Variants in RYR2 observed in about 807,000 individuals in gnomAD.
The protein encoded by RYR2 is ryanodine receptor 2, also known as cardiac muscle ryanodine receptor-calcium release channel.
A neutral mutation model predicts 601.1 loss-of-function variants in RYR2; 227 were observed. The observed-to-expected ratio is 0.38, with a 90% CI of 0.34 to 0.42. The LOEUF is 0.42. RYR2 is among the 10% of genes least tolerant of loss of function. RYR2 has a pLI of 1.00. For synonymous variants in RYR2, 2,223 were observed against 2,175.1 expected (o/e 1.02, Z -0.61); for missense variants, 4,646 against 6,156.5 (o/e 0.75, Z 8.21).
At chr1:237,697,313 T>A (rs1687543972) in intron 63 of RYR2, among the ~76,000 whole-genome samples, 1 of 146,660 alleles carries the variant, frequency 6.8e-6, no homozygotes, top group African/African-American at 2.5e-5. Context: ...CCAGTTTCTG[T>A]AGGTGTGTGT....
At chr1:237,537,902 G>T (rs1333686873) in intron 25 of RYR2, among the ~76,000 whole-genome samples, 1 of 152,134 alleles carries the variant, frequency 6.6e-6, no homozygotes, top group Non-Finnish European at 1.5e-5. Flanking sequence ...TCTCTCTGGG[G>T]ATAAGGAGGG....
At chr1:237,350,600 A>T (rs562678873) in intron 3 of RYR2, among the ~76,000 whole-genome samples, 1,516 of 69,842 alleles carry the variant, frequency 0.022, 75 homozygotes, top group African/African-American at 0.088. Flanking sequence ...AAAAAAAAAA[A>T]AAATATATAT....
chr1:237,670,751 T>C (rs1476091725), intron 58 of RYR2, among the ~76,000 whole-genome samples: 1 of 152,208 alleles, frequency 6.6e-6, no homozygotes, highest in Non-Finnish European at 1.5e-5. Flanking sequence ...GTTGAGATTT[T>C]TTTCTGATTT....
intron 1 of RYR2, among the ~76,000 whole-genome samples, chr1:237,099,870 G>A (rs1374996075): frequency 1.3e-5 from 2 of 152,246 alleles, no homozygotes; most frequent in East Asian, 3.9e-4. Flanking sequence ...TACAAATGTG[G>A]AAACTGAGGC....
chr1:237,622,250 C>T lies in RYR2; in HGVS notation c.5917-1515C>T, dbSNP rs555656114. Among the ~76,000 whole-genome samples the T allele has an allele frequency of 1.4e-3, 218 of 152,158 alleles. 2 individuals carry two copies. In the South Asian group the frequency reaches 0.015, roughly 11 times the overall value. On this transcript the variant is annotated intron_variant, in intron 38 of 104. Transcript: ENST00000366574. ...TTCAAACATAAATGGTAAAGTTTCC[C>T]GCAGTTTAACTGAACCATTAATGTT...
At position 237,190,188 on chromosome 1, in the gene RYR2, C is replaced by T. The variant is rs1679819722; in HGVS notation, c.49-80309C>T. Among the ~76,000 whole-genome samples the T allele has an allele frequency of 2.0e-5, 3 of 152,154 alleles. No homozygotes were observed. In the South Asian group the frequency reaches 6.2e-4, roughly 32 times the overall value. On this transcript the variant is annotated intron_variant, in intron 1 of 104. Coordinates refer to ENST00000366574, the MANE Select transcript of RYR2 (RefSeq NM_001035.3). Reference sequence around the variant, plus strand: ...ACAGGCTTGAGCCACCGTGCCCAGCCATACTGTTTTCTATAATGGCTGCAC... The same window carrying T: ...ACAGGCTTGAGCCACCGTGCCCAGCTATACTGTTTTCTATAATGGCTGCAC...
chr1:237,423,086 C>T lies in RYR2; in HGVS notation c.849-6C>T. 3 of 1,611,010 alleles carry T rather than the reference C, an allele frequency of 1.9e-6. No homozygotes were observed. The highest frequency in any genetic ancestry group is 2.5e-6 in the Non-Finnish European group (3 of 1,179,014). ...TATTGGATCAAGTCCTAACTGTTTTCATTAGGTGGAGTGGAAGCCACATAA... is the reference window on the plus strand; with the variant it reads ...TATTGGATCAAGTCCTAACTGTTTTTATTAGGTGGAGTGGAAGCCACATAA... On this transcript the variant is annotated splice_region_variant and splice_polypyrimidine_tract_variant and intron_variant, in intron 11 of 104. Coordinates refer to ENST00000366574, the MANE Select transcript of RYR2 (RefSeq NM_001035.3).
rs1273937983 is a variant in RYR2, at chr1:237,698,962, T to C, written c.9068-3T>C. The C allele has an allele frequency of 6.5e-7, 1 of 1,537,070 alleles. No individual in the cohort carries two copies. Among genetic ancestry groups the C allele is most frequent in the South Asian group, 1.2e-5 (1 of 82,342 alleles). On this transcript the variant is annotated splice_polypyrimidine_tract_variant and splice_region_variant and intron_variant, in intron 63 of 104. Transcript: ENST00000366574. ...TTTATACAGCATTTTGTTTCCTCTT[T>C]AGGCAATGATGCAACATCAATTGTC...
Position 237,667,951 on chromosome 1 carries a change from G to A in RYR2, c.8583G>A (p.Glu2861=), listed in dbSNP as rs1312234082. 3.8e-6 allele frequency: 6 copies of A among 1,568,034 alleles called. No individual in the cohort carries two copies. Among genetic ancestry groups the A allele is most frequent in the Admixed American group, 1.9e-5 (1 of 54,052 alleles). Residue 2861 remains glutamate (E), a synonymous_variant, in exon 58 of 105, where the codon GAG becomes GAA. Transcript: ENST00000366574. The part of the protein sequence containing the change: ...IWAKKKKMEL[E]SKGGGNHPLL... ...CAAAGAAAAAGAAAATGGAGTTGGA[G>A]TCCAAAGGTAATATTTTCTAAAAAC... is the stretch of plus-strand genomic sequence containing the variant.
At chr1:237,261,232 T>C (rs758704021) in intron 1 of RYR2, among the ~76,000 whole-genome samples, 17 of 152,152 alleles carry the variant, frequency 1.1e-4, no homozygotes, top group Non-Finnish European at 1.6e-4. Flanking sequence ...AGCCACCATC[T>C]CCCTCCCTGA....
intron 2 of RYR2, among the ~76,000 whole-genome samples, chr1:237,283,106 C>G (rs1691071781): frequency 6.6e-6 from 1 of 152,194 alleles, no homozygotes; most frequent in African/African-American, 2.4e-5. Flanking sequence ...TCTCGCTCTT[C>G]CTGGAAGACC....
intron 36 of RYR2, among the ~76,000 whole-genome samples, chr1:237,612,396 T>C (rs577028638): frequency 6.6e-6 from 1 of 152,310 alleles, no homozygotes; most frequent in Non-Finnish European, 1.5e-5. Flanking sequence ...TATTAAATTA[T>C]GTATTTTAAG....
intron 1 of RYR2, among the ~76,000 whole-genome samples, chr1:237,057,658 G>A (rs1167417316): frequency 6.6e-6 from 1 of 152,150 alleles, no homozygotes; most frequent in Non-Finnish European, 1.5e-5. Context: ...GAGCTTGAAA[G>A]GGGAGGAAGG....
intron 1 of RYR2, among the ~76,000 whole-genome samples, chr1:237,214,430 G>T (rs1682942113): frequency 6.6e-6 from 1 of 152,156 alleles, no homozygotes; most frequent in African/African-American, 2.4e-5. Context: ...ACTCATTGCA[G>T]AAGGGCATAG....
rs74149708 is a variant in RYR2, at chr1:237,089,642, A to G, written c.48+47073A>G. On this transcript the variant is annotated intron_variant, in intron 1 of 104. Coordinates refer to ENST00000366574, the MANE Select transcript of RYR2 (RefSeq NM_001035.3). ...CTTTTAGCCAATAGAATTGTATGTTATCTTGTTAAGAAATATGAAAAGGTA... is the reference window on the plus strand; with the variant it reads ...CTTTTAGCCAATAGAATTGTATGTTGTCTTGTTAAGAAATATGAAAAGGTA... Among the ~76,000 whole-genome samples, 1,395 of 152,346 alleles carry G rather than the reference A, an allele frequency of 9.2e-3. 25 individuals are homozygous for G. The highest frequency in any genetic ancestry group is 0.032 in the African/African-American group (1,329 of 41,586).
chr1:237,528,278 A>G lies in RYR2; in HGVS notation c.2823-2149A>G, dbSNP rs529690126. ...ATTGTGAGCAGTATGTTGTTATAAT[A>G]GTTCTATTTTCTATTAGTTACTAGT... On this transcript the variant is annotated intron_variant, in intron 24 of 104. Coordinates refer to ENST00000366574, the MANE Select transcript of RYR2 (RefSeq NM_001035.3). 2.2e-4 allele frequency among the ~76,000 whole-genome samples: 34 copies of G among 152,284 alleles called. 1 individual carries two copies. Among genetic ancestry groups the G allele is most frequent in the Admixed American group, 1.6e-3 (25 of 15,300 alleles).
chr1:237,683,679 C>T (rs1334017610), intron 62 of RYR2, among the ~76,000 whole-genome samples: 1 of 136,128 alleles, frequency 7.3e-6, no homozygotes, highest in African/African-American at 2.8e-5. Context: ...TCTTAAAATT[C>T]TATCACAATT....
intron 1 of RYR2, among the ~76,000 whole-genome samples, chr1:237,228,068 C>G (rs544262252): frequency 1.3e-5 from 2 of 151,770 alleles, no homozygotes; most frequent in African/African-American, 2.4e-5. Flanking sequence ...TTTGGTACAC[C>G]CATCACCCGA....
At chr1:237,832,399 C>T (rs1043203308) in intron 104 of RYR2, among the ~76,000 whole-genome samples, 153 bp from the exon 105 acceptor site, 28 of 152,006 alleles carry the variant, frequency 1.8e-4, no homozygotes, top group African/African-American at 5.3e-4. Context: ...TATTATGAGA[C>T]GTTAAGGTCT....
Sources: gnomAD v4.1 joint callset for allele counts (sites outside exome capture counted in the v4.1 genomes callset) on GRCh38, gnomAD v4.1.1 for gene constraint, MANE v1.5 for transcripts, NCBI Gene and HGNC (gene_info 2026-07-23, HGNC 2026-07-21) for gene names.